PXT1: variants seen among roughly 807,000 people sequenced by gnomAD.
PXT1 encodes the protein peroxisomal testis-specific protein 1.
Under a neutral mutation model 11.0 loss-of-function variants are expected in PXT1, and 11 were observed. The ratio of observed to expected loss-of-function variants is 1.00; its 90% CI spans 0.63 to 1.66. The LOEUF (loss-of-function observed/expected upper bound fraction) is 1.66. Among genes scored for constraint, PXT1 ranks in the 40% most tolerant of loss-of-function variants. The pLI, the probability that PXT1 is intolerant of heterozygous loss-of-function variation, is 0.00. For synonymous variants in PXT1, 43 were observed against 51.4 expected, an observed-to-expected ratio of 0.84 and a Z score of 0.70; for missense variants, 141 against 155.5, an observed-to-expected ratio of 0.91 and a Z score of 0.49.
At chr6:36,437,380 C>T (rs1774781945) in intron 2 of PXT1, among the ~76,000 whole-genome samples, 1 of 152,058 alleles carries the variant, frequency 6.6e-6, no homozygotes, top group Non-Finnish European at 1.5e-5. Context: ...TCCTGCCCTC[C>T]ACAAAAAAAT....
At chr6:36,405,689 T>C (rs1347674929) in intron 3 of PXT1, among the ~76,000 whole-genome samples, 4 of 152,212 alleles carry the variant, frequency 2.6e-5, no homozygotes, top group Non-Finnish European at 5.9e-5. Flanking sequence ...GGCTTTCACA[T>C]TCACTCACCA....
At chr6:36,396,948 G>A (rs57973528) in intron 4 of PXT1, among the ~76,000 whole-genome samples, 1,976 of 151,920 alleles carry the variant, frequency 0.013, 43 homozygotes, top group African/African-American at 0.045. Context: ...ACTGACAGCT[G>A]CAGACATTGG....
chr6:36,392,793 A>T (rs1241216891), intron 4 of PXT1, among the ~76,000 whole-genome samples: 1 of 152,174 alleles, frequency 6.6e-6, no homozygotes, highest in African/African-American at 2.4e-5. Flanking sequence ...CATGGGTCAG[A>T]CACAAATGCT....
At chr6:36,401,615 CAA>C (rs140178346) in intron 3 of PXT1, among the ~76,000 whole-genome samples, 61,073 of 114,590 alleles carry the variant, frequency 0.53, 13,248 homozygotes, top group Middle Eastern at 0.63. Flanking sequence ...GACCCTGTCT[CAA>C]AAAAAAAAAA....
At chr6:36,407,578 CTTT>C (rs36048537) in intron 3 of PXT1, among the ~76,000 whole-genome samples, 67 of 147,214 alleles carry the variant, frequency 4.6e-4, no homozygotes, top group Non-Finnish European at 5.4e-4. Context: ...CATGGTTAAT[CTTT>C]TTTTTTTTTT....
chr6:36,412,390 A>G (rs1774387536), intron 3 of PXT1, among the ~76,000 whole-genome samples: 1 of 150,238 alleles, frequency 6.7e-6, no homozygotes, highest in Admixed American at 6.6e-5. Context: ...GGCTGGCCGC[A>G]GTGGCTCATG....
intron 1 of PXT1, among the ~76,000 whole-genome samples, chr6:36,442,068 C>CAT (rs113942991): frequency 0.064 from 9,676 of 150,644 alleles, 824 homozygotes; most frequent in East Asian, 0.39. Flanking sequence ...TATATATAGA[C>CAT]ATATATATAT....
chr6:36,403,543 T>C (rs920305598), intron 3 of PXT1, among the ~76,000 whole-genome samples: 3 of 151,920 alleles, frequency 2.0e-5, no homozygotes, highest in African/African-American at 7.3e-5. Flanking sequence ...AGGAGGCCAG[T>C]AGAAAAGGAA....
chr6:36,408,261 C>CTT (rs752205780), intron 3 of PXT1, among the ~76,000 whole-genome samples: 114 of 137,296 alleles, frequency 8.3e-4, no homozygotes, highest in Middle Eastern at 7.6e-3. Flanking sequence ...CACGCCCAGC[C>CTT]TTTTTTTTTT....
intron 2 of PXT1, among the ~76,000 whole-genome samples, chr6:36,427,015 CT>C (rs71768864): frequency 3.7e-4 from 52 of 141,044 alleles, no homozygotes; most frequent in Non-Finnish European, 3.8e-4. Context: ...CTTTTTTTTT[CT>C]TTTTTTTTTT....
At chr6:36,440,235 C>T (rs1774834968) in intron 1 of PXT1, among the ~76,000 whole-genome samples, 1 of 152,156 alleles carries the variant, frequency 6.6e-6, no homozygotes, top group Non-Finnish European at 1.5e-5. Flanking sequence ...TTTTGTATGA[C>T]AATTTACAAT....
intron 3 of PXT1, among the ~76,000 whole-genome samples, chr6:36,405,155 T>C (rs1398242568): frequency 6.6e-6 from 1 of 152,082 alleles, no homozygotes; most frequent in Admixed American, 6.6e-5. Context: ...GGCTAATATA[T>C]GTGTTTGTGT....
In PXT1 at chr6:36,415,312, G is replaced by A. The variant is rs899991570; in HGVS notation, c.169+10602C>T. Among the ~76,000 whole-genome samples, 12 of 152,120 alleles carry A rather than the reference G, an allele frequency of 7.9e-5. No individual in the cohort carries two copies. The South Asian group carries it at 8.3e-4, about 11-fold the overall frequency. ...ACAAAAATTAGCCAGACATGGTGGC[G>A]CGTGCCTGTAATCCCAGCTACTAGG... On this transcript the variant is annotated intron_variant, in intron 3 of 4. Coordinates refer to ENST00000454782, the MANE Select transcript of PXT1 (RefSeq NM_152990.4).
At chr6:36,412,078 G>A (rs112394821) in intron 3 of PXT1, among the ~76,000 whole-genome samples, 8,732 of 151,672 alleles carry the variant, frequency 0.058, 577 homozygotes, top group Admixed American at 0.17. Context: ...GGAGCCAGGC[G>A]CGGTGGCTCA....
intron 3 of PXT1, among the ~76,000 whole-genome samples, chr6:36,410,032 G>C (rs1400172195): frequency 1.3e-5 from 2 of 151,364 alleles, no homozygotes; most frequent in African/African-American, 4.9e-5. Context: ...GGAAGGAAGG[G>C]AGGGTGGCTG....
At chr6:36,436,319 A>G (rs994926550) in intron 2 of PXT1, among the ~76,000 whole-genome samples, 1 of 152,200 alleles carries the variant, frequency 6.6e-6, no homozygotes, top group Admixed American at 6.5e-5. Flanking sequence ...TACTGGATGG[A>G]GGTGGTTTGG....
intron 3 of PXT1, among the ~76,000 whole-genome samples, chr6:36,402,888 G>C (rs1343975217): frequency 6.6e-6 from 1 of 152,048 alleles, no homozygotes; most frequent in Admixed American, 6.5e-5. Flanking sequence ...GTGAAATCAG[G>C]AGCCTTGCAG....
chr6:36,418,177 C>G (rs1180773309), intron 3 of PXT1, among the ~76,000 whole-genome samples: 1 of 150,016 alleles, frequency 6.7e-6, no homozygotes, highest in African/African-American at 2.5e-5. Context: ...GCCTGGGCGA[C>G]AGAGCGAGAC....
chr6:36,425,805 A>AT (rs763685304), intron 3 of PXT1, 109 bp downstream of exon 3: 48 of 335,654 alleles, frequency 1.4e-4, no homozygotes, highest in South Asian at 1.1e-3. Context: ...AAAAACAAAA[A>AT]ATATATATAT....
Sources: allele counts gnomAD v4.1 joint callset (sites outside exome capture counted in the v4.1 genomes callset), GRCh38; gene constraint gnomAD v4.1.1; transcripts MANE v1.5; gene names NCBI Gene and HGNC (gene_info 2026-07-23, HGNC 2026-07-21).